ECE1: variants seen among roughly 807,000 people sequenced by gnomAD.
ECE1 encodes endothelin converting enzyme 1.
ECE1 carries 35 observed loss-of-function variants against 98.6 expected under a neutral mutation model. That is an observed-to-expected ratio of 0.35 (90% CI 0.27 to 0.47). The LOEUF (loss-of-function observed/expected upper bound fraction) is 0.47, where lower values mean the gene tolerates loss of function less well. Ranked by LOEUF, ECE1 falls within the 20% of genes least tolerant of loss-of-function variation. ECE1 has a pLI of 1.00. For missense variants in ECE1, 814 were observed against 1,025.3 expected, an observed-to-expected ratio of 0.79 and a Z score of 2.81; for synonymous variants, 394 against 407.1, an observed-to-expected ratio of 0.97 and a Z score of 0.39.
intron 4 of ECE1, among the ~76,000 whole-genome samples, chr1:21,271,486 C>T (rs61779142): frequency 9.9e-5 from 15 of 152,098 alleles, no homozygotes; most frequent in Admixed American, 3.9e-4. Flanking sequence ...CAGTATTTGT[C>T]GGATCTAGGT....
chr1:21,279,809 C>T, intron 2 of ECE1: 1 of 744,468 alleles, frequency 1.3e-6, no homozygotes, highest in Non-Finnish European at 1.7e-6. Flanking sequence ...CTCATAATCC[C>T]ACGCAAAAAC....
chr1:21,223,262 G>A (rs1031523254), intron 17 of ECE1, among the ~76,000 whole-genome samples: 1 of 149,302 alleles, frequency 6.7e-6, no homozygotes, highest in African/African-American at 2.5e-5. Context: ...CATGAGCCAC[G>A]GCACCCAGAG....
At chr1:21,310,897 C>A (rs1638710129) in intron 1 of ECE1, among the ~76,000 whole-genome samples, 1 of 152,168 alleles carries the variant, frequency 6.6e-6, no homozygotes, top group South Asian at 2.1e-4. Flanking sequence ...CCCTACCCTG[C>A]AGCCTCCTCC....
intron 2 of ECE1, among the ~76,000 whole-genome samples, chr1:21,282,203 T>C (rs965123226): frequency 3.9e-5 from 6 of 151,916 alleles, no homozygotes; most frequent in East Asian, 3.9e-4. Flanking sequence ...GGTGGGAGGA[T>C]TGCTTGAGCC....
Position 21,238,176 on chromosome 1 carries a change from G to A in ECE1, c.1347C>T (p.Pro449=), listed in dbSNP as rs1172771963. ...TENNLGFALG[P]MFVKATFAED... is the part of the protein sequence containing the mutation. ...CGGCGAAGGTTGCTTTGACAAACAT[G>A]GGGCCCAACGCAAAGCCCAGGTTGT... Residue 449 remains proline (P), a synonymous_variant, in exon 11 of 19, where the codon CCC becomes CCT. Coordinates refer to ENST00000374893, the MANE Select transcript of ECE1 (RefSeq NM_001397.3). The A allele has an allele frequency of 2.5e-6, 4 of 1,614,136 alleles. No individual in the cohort carries two copies. In the African/African-American group the frequency reaches 5.3e-5, roughly 22 times the overall value.
chr1:21,300,711 C>T (rs923396982), intron 1 of ECE1, among the ~76,000 whole-genome samples: 2 of 152,180 alleles, frequency 1.3e-5, no homozygotes, highest in African/African-American at 2.4e-5. Context: ...GCTTGGATTA[C>T]AGGTGTGAGC....
At chr1:21,222,849 A>AG (rs1413757793) in intron 17 of ECE1, among the ~76,000 whole-genome samples, 1 of 149,998 alleles carries the variant, frequency 6.7e-6, no homozygotes, top group Non-Finnish European at 1.5e-5. Context: ...CTCAAAAAAA[A>AG]AAAAAAAAAA....
At chr1:21,238,693 G>C (rs2098191585) in intron 10 of ECE1, among the ~76,000 whole-genome samples, 1 of 152,212 alleles carries the variant, frequency 6.6e-6, no homozygotes, top group Non-Finnish European at 1.5e-5. Context: ...TGGAGGCAAA[G>C]AGCGGTGGAG....
At chr1:21,320,987 G>C (rs1357611557) in intron 1 of ECE1, among the ~76,000 whole-genome samples, 1 of 152,254 alleles carries the variant, frequency 6.6e-6, no homozygotes, top group African/African-American at 2.4e-5. Flanking sequence ...GAAAGGAGCT[G>C]TCTGTAACTC....
chr1:21,280,498 T>G (rs967578654), intron 2 of ECE1, among the ~76,000 whole-genome samples: 3 of 152,144 alleles, frequency 2.0e-5, no homozygotes, highest in African/African-American at 7.2e-5. Flanking sequence ...GAGGAGGGCC[T>G]AGATCCTAAG....
At chr1:21,261,924 C>A (rs1024561565) in intron 4 of ECE1, among the ~76,000 whole-genome samples, 1 of 152,154 alleles carries the variant, frequency 6.6e-6, no homozygotes, top group Non-Finnish European at 1.5e-5. Context: ...AAAGGGCAGG[C>A]GGACTGCTTG....
chr1:21,322,637 GA>G lies in ECE1; in HGVS notation c.3+22738del, dbSNP rs776354723. On this transcript the variant is annotated intron_variant, in intron 1 of 18. Coordinates refer to the ECE1 transcript ENST00000415912. The surrounding 1 kb of genome is among the most constrained non-coding windows in gnomAD (Gnocchi z 4.1). ...CAGTGTGGTGGCACTGTTTGGCCCTGAGGGGTTGGAAGTTGATCTAACCACC... is the reference window on the plus strand; with the variant it reads ...CAGTGTGGTGGCACTGTTTGGCCCTGGGGGTTGGAAGTTGATCTAACCACC... Among the ~76,000 whole-genome samples, 2 of 152,240 alleles carry G rather than the reference GA, an allele frequency of 1.3e-5. No individual in the cohort carries two copies. Among genetic ancestry groups the G allele is most frequent in the Non-Finnish European group, 2.9e-5 (2 of 68,040 alleles).
intron 1 of ECE1, among the ~76,000 whole-genome samples, chr1:21,335,743 G>A (rs1172984803): frequency 1.3e-5 from 2 of 152,206 alleles, no homozygotes; most frequent in East Asian, 3.9e-4. Flanking sequence ...TGGGGTGGGT[G>A]AGACCCTGGG....
At chr1:21,249,267 A>G (rs1365897323) in intron 8 of ECE1, among the ~76,000 whole-genome samples, 1 of 151,606 alleles carries the variant, frequency 6.6e-6, no homozygotes, top group Non-Finnish European at 1.5e-5. Flanking sequence ...CGCTTGAACC[A>G]GGGAGGCAGA....
In ECE1 at chr1:21,225,071, G is replaced by A. The variant is rs1194586020; in HGVS notation, c.2040+179C>T. ...CTTCTGGTGCCAAGCCCTGTGGTGG[G>A]GGAGCCTCCACGGTCGGCATCGCGA... On this transcript the variant is annotated intron_variant, in intron 17 of 18. Coordinates refer to ENST00000374893, the MANE Select transcript of ECE1 (RefSeq NM_001397.3). This position sits in a 1 kb window ranked among gnomAD's most constrained non-coding sequence, Gnocchi z 5.3. Among the ~76,000 whole-genome samples, 1 of 152,204 alleles carries A rather than the reference G, an allele frequency of 6.6e-6. No individual in the cohort carries two copies. The highest frequency in any genetic ancestry group is 1.5e-5 in the Non-Finnish European group (1 of 68,036).
rs1480212191 is a variant in ECE1 at position 21,290,293 on chromosome 1, A to ACGGAG, written c.51+66_51+70dup. The stretch of plus-strand genomic sequence containing the variant: ...GGACACCCGAGACCGAGACCGGCCC[A>ACGGAG]CGGAGCGGCCCGCGCGGGGAGGGGT... On this transcript the variant is annotated intron_variant, in intron 1 of 18. Coordinates refer to ENST00000374893, the MANE Select transcript of ECE1 (RefSeq NM_001397.3). The surrounding 1 kb of genome is among the most constrained non-coding windows in gnomAD (Gnocchi z 7.3). The ACGGAG allele has an allele frequency of 1.6e-6, 2 of 1,255,516 alleles. No individual in the cohort carries two copies. Among genetic ancestry groups the ACGGAG allele is most frequent in the Non-Finnish European group, 2.0e-6 (2 of 1,002,474 alleles). 77.8% of individuals were successfully genotyped at this position (1,255,516 alleles called of 1,614,324 possible).
chr1:21,268,883 A>G (rs1244835081), intron 4 of ECE1, among the ~76,000 whole-genome samples: 1 of 152,212 alleles, frequency 6.6e-6, no homozygotes, highest in Non-Finnish European at 1.5e-5. Flanking sequence ...AGTCCCAGGT[A>G]TCAAGCCCAC....
At chr1:21,242,344 C>T (rs530577989) in intron 10 of ECE1, among the ~76,000 whole-genome samples, 2 of 152,322 alleles carry the variant, frequency 1.3e-5, no homozygotes, top group South Asian at 2.1e-4. Context: ...CACACTGCTT[C>T]CCATGCTCTA....
chr1:21,258,603 A>C lies in ECE1; in HGVS notation c.762+90T>G. ...GAAGACCGCCGTCCCACCCAGGGCA[A>C]GCCCCTCTCCCACCCCAGGTCCTGC... On this transcript the variant is annotated intron_variant, in intron 6 of 18. Coordinates refer to ENST00000374893, the MANE Select transcript of ECE1 (RefSeq NM_001397.3). The surrounding 1 kb of genome is among the most constrained non-coding windows in gnomAD (Gnocchi z 4.2). 1 of 1,412,700 alleles carries C rather than the reference A, an allele frequency of 7.1e-7. No individual in the cohort carries two copies. Among genetic ancestry groups the C allele is most frequent in the Non-Finnish European group, 9.8e-7 (1 of 1,021,362 alleles). The allele number at this position is 1,412,700 out of a possible 1,614,324, so 87.5% of individuals were successfully genotyped here. A position where few individuals can be genotyped will look rare whatever the true frequency, so the allele number is the denominator to read the frequency against.
Sources: allele counts gnomAD v4.1 joint callset (sites outside exome capture counted in the v4.1 genomes callset), GRCh38; gene constraint gnomAD v4.1.1; non-coding constraint Gnocchi (gnomAD v3.1); transcripts MANE v1.5; gene names NCBI Gene and HGNC (gene_info 2026-07-23, HGNC 2026-07-21).